CAMK2D: variants seen among roughly 807,000 people sequenced by gnomAD.
CAMK2D encodes the protein calcium/calmodulin dependent protein kinase II delta.
In CAMK2D, 37 loss-of-function variants were observed where a neutral mutation model predicts 84.0. The observed-to-expected ratio is 0.44, with a 90% CI of 0.34 to 0.58. The LOEUF is 0.58. Among genes scored for constraint, CAMK2D ranks in the 20% least tolerant of loss-of-function variants. CAMK2D has a pLI of 0.02. For missense variants in CAMK2D, 448 were observed against 652.5 expected, an observed-to-expected ratio of 0.69 and a Z score of 3.41; for synonymous variants, 202 against 212.5, an observed-to-expected ratio of 0.95 and a Z score of 0.43.
intron 3 of CAMK2D, among the ~76,000 whole-genome samples, chr4:113,631,089 T>C (rs1423216932): frequency 6.6e-6 from 1 of 152,194 alleles, no homozygotes; most frequent in Non-Finnish European, 1.5e-5. Flanking sequence ...CCAGGGGCTA[T>C]CTATTCATTT....
intron 3 of CAMK2D, among the ~76,000 whole-genome samples, chr4:113,619,355 G>C (rs563352613): frequency 6.6e-6 from 1 of 152,172 alleles, no homozygotes; most frequent in East Asian, 1.9e-4. Flanking sequence ...TACCACAGCA[G>C]CCAGAACAAT....
intron 3 of CAMK2D, among the ~76,000 whole-genome samples, chr4:113,638,995 C>A (rs1201670362): frequency 2.6e-5 from 4 of 151,624 alleles, no homozygotes; most frequent in African/African-American, 7.3e-5. Context: ...GTAATCCCAG[C>A]ACTTTGGGAG....
intron 16 of CAMK2D, among the ~76,000 whole-genome samples, chr4:113,473,212 G>A (rs1459031871): frequency 1.3e-5 from 2 of 152,148 alleles, no homozygotes; most frequent in African/African-American, 4.8e-5. Flanking sequence ...TGGGTGCCCC[G>A]TGGTTTTATT....
At chr4:113,461,985 C>T (rs2097381511) in intron 17 of CAMK2D, among the ~76,000 whole-genome samples, 1 of 151,578 alleles carries the variant, frequency 6.6e-6, no homozygotes, top group Non-Finnish European at 1.5e-5. Flanking sequence ...ATTACAGTAA[C>T]CTTCACTTCA....
chr4:113,618,204 T>C (rs1001559086), intron 3 of CAMK2D, among the ~76,000 whole-genome samples: 6 of 152,230 alleles, frequency 3.9e-5, no homozygotes, highest in African/African-American at 1.2e-4. Flanking sequence ...TCTTCAACAC[T>C]CTCGAGTTAA....
intron 4 of CAMK2D, among the ~76,000 whole-genome samples, chr4:113,597,372 C>T (rs894029332): frequency 1.3e-5 from 2 of 152,336 alleles, no homozygotes; most frequent in East Asian, 1.9e-4. Context: ...ACTGCAGCTT[C>T]TCCATCAGCT....
At position 113,568,968 on chromosome 4, in the gene CAMK2D, C is replaced by T. The variant is rs75764594; in HGVS notation, c.276-16872G>A. Among the ~76,000 whole-genome samples the T allele has an allele frequency of 4.6e-3, 698 of 152,046 alleles. 9 individuals carry two copies. Among genetic ancestry groups the T allele is most frequent in the Admixed American group, 6.2e-3 (95 of 15,252 alleles). On this transcript the variant is annotated intron_variant, in intron 4 of 20. Transcript: ENST00000511664. ...TTGTTGTTGTTAAGTTACAGAAGTT[C>T]TTTATATATTCCGGATATTAACCCC...
At chr4:113,492,004 T>G (rs2097850929) in intron 16 of CAMK2D, among the ~76,000 whole-genome samples, 1 of 152,218 alleles carries the variant, frequency 6.6e-6, no homozygotes, top group South Asian at 2.1e-4. Context: ...TTATCATTTT[T>G]TATTGCGTCT....
chr4:113,456,392 A>C (rs1371518450), intron 19 of CAMK2D, among the ~76,000 whole-genome samples: 1 of 152,182 alleles, frequency 6.6e-6, no homozygotes, highest in Non-Finnish European at 1.5e-5. Flanking sequence ...TTTACCAATA[A>C]GCCTATTTTC....
intron 2 of CAMK2D, among the ~76,000 whole-genome samples, chr4:113,743,603 G>C (rs1455786017): frequency 6.6e-6 from 1 of 152,066 alleles, no homozygotes; most frequent in Non-Finnish European, 1.5e-5. Flanking sequence ...CTTGGTGCCC[G>C]CTGAGGAAAA....
chr4:113,757,794 A>G (rs2099631899), intron 2 of CAMK2D, among the ~76,000 whole-genome samples: 1 of 152,160 alleles, frequency 6.6e-6, no homozygotes, highest in African/African-American at 2.4e-5. Context: ...CACAGATTGA[A>G]GGGAAAAGAG....
At chr4:113,530,453 T>C (rs2098450440) in intron 8 of CAMK2D, among the ~76,000 whole-genome samples, 1 of 152,216 alleles carries the variant, frequency 6.6e-6, no homozygotes, top group South Asian at 2.1e-4. Context: ...GCATTTTAAA[T>C]TTCAGATTTT....
intron 4 of CAMK2D, among the ~76,000 whole-genome samples, chr4:113,559,566 T>C (rs1171903451): frequency 2.0e-5 from 3 of 152,254 alleles, no homozygotes; most frequent in African/African-American, 7.2e-5. Context: ...TCACATGTAC[T>C]GAAACAGCCT....
At chr4:113,457,251 T>A in intron 19 of CAMK2D, 84 bp downstream of exon 19, 1 of 1,547,528 alleles carries the variant, frequency 6.5e-7, no homozygotes, top group Middle Eastern at 1.7e-4. Flanking sequence ...AAATAACATA[T>A]ACCATGCTAT....
intron 2 of CAMK2D, among the ~76,000 whole-genome samples, chr4:113,674,429 T>C (rs1246987726): frequency 1.3e-5 from 2 of 152,200 alleles, no homozygotes; most frequent in African/African-American, 4.8e-5. Flanking sequence ...ACATTTGGCA[T>C]TGTCATAGCA....
intron 2 of CAMK2D, among the ~76,000 whole-genome samples, chr4:113,662,177 T>TG (rs1233872753): frequency 1.3e-5 from 2 of 152,168 alleles, no homozygotes; most frequent in Non-Finnish European, 2.9e-5. Flanking sequence ...CTAAGTCAGG[T>TG]AATTATATTT....
At chr4:113,709,746 G>GAT (rs397995032) in intron 2 of CAMK2D, among the ~76,000 whole-genome samples, 5,735 of 49,492 alleles carry the variant, frequency 0.12, 676 homozygotes, top group South Asian at 0.15. Context: ...AGCCGTGAAC[G>GAT]ATATATATAT....
intron 14 of CAMK2D, among the ~76,000 whole-genome samples, chr4:113,503,780 TTCCCAAG>T (rs1357627951): frequency 2.0e-5 from 3 of 152,186 alleles, no homozygotes; most frequent in Non-Finnish European, 4.4e-5. Context: ...CAAAGAAATA[TTCCCAAG>T]TGGAGAATAA....
intron 2 of CAMK2D, among the ~76,000 whole-genome samples, chr4:113,708,434 A>T (rs2099471004): frequency 6.6e-6 from 1 of 152,176 alleles, no homozygotes; most frequent in East Asian, 1.9e-4. Flanking sequence ...TGAACGAGGA[A>T]CTGGTGATGT....
Sources: allele counts gnomAD v4.1 joint callset (sites outside exome capture counted in the v4.1 genomes callset), GRCh38; gene constraint gnomAD v4.1.1; transcripts MANE v1.5; gene names NCBI Gene and HGNC (gene_info 2026-07-23, HGNC 2026-07-21).